OSBPL11: variants seen among roughly 807,000 people sequenced by gnomAD.
OSBPL11 encodes the protein oxysterol binding protein like 11, also known as oxysterol-binding protein-related protein 11.
In OSBPL11, 33 loss-of-function variants were observed where a neutral mutation model predicts 84.4. The ratio of observed to expected loss-of-function variants is 0.39; its 90% CI spans 0.30 to 0.52. The LOEUF (loss-of-function observed/expected upper bound fraction) is 0.52. OSBPL11 is among the 20% of genes least tolerant of loss of function. The pLI, the probability that OSBPL11 is intolerant of heterozygous loss-of-function variation, is 0.72. For synonymous variants in OSBPL11, 276 were observed against 310.2 expected (o/e 0.89, Z 1.16); for missense variants, 736 against 901.1 (o/e 0.82, Z 2.35).
Position 125,528,983 on chromosome 3 carries a change from A to G in OSBPL11, c.*1532T>C, listed in dbSNP as rs1935516617. 6.5e-6 allele frequency: 1 copy of G among 152,792 alleles called. No homozygotes were observed. Among genetic ancestry groups the G allele is most frequent in the South Asian group, 2.1e-4 (1 of 4,834 alleles). The allele number at this position is 152,792 out of a possible 1,614,324, so 9.5% of individuals were successfully genotyped here. A position where few individuals can be genotyped will look rare whatever the true frequency, so the allele number is the denominator to read the frequency against. ...AAGGGAATCATTAAAATTGTTGTAC[A>G]CAAACCAACTCTTTTTCTTATAATT... is the stretch of plus-strand genomic sequence containing the variant. On this transcript the variant is annotated 3_prime_UTR_variant, in exon 13 of 13. Transcript: ENST00000296220.
At chr3:125,564,907 C>T (rs890055020) in intron 6 of OSBPL11, among the ~76,000 whole-genome samples, 14 of 152,118 alleles carry the variant, frequency 9.2e-5, no homozygotes, top group African/African-American at 2.2e-4. Context: ...TGCCTGACTC[C>T]GCATCCCAAA....
At position 125,530,252 on chromosome 3, in the gene OSBPL11, A is replaced by G. The variant is rs1477280031; in HGVS notation, c.*263T>C. On this transcript the variant is annotated 3_prime_UTR_variant, in exon 13 of 13. Transcript: ENST00000296220. Reference sequence around the variant, plus strand: ...TAACTTTAGGAGCAAGAACTGGATAAAAGATTCATCTACTGATTCAGGTAA... The same window carrying G: ...TAACTTTAGGAGCAAGAACTGGATAGAAGATTCATCTACTGATTCAGGTAA... 3 of 416,504 alleles carry G rather than the reference A, an allele frequency of 7.2e-6. No homozygotes were observed. In the East Asian group the frequency reaches 1.1e-4, roughly 16 times the overall value. 25.8% of individuals were successfully genotyped at this position (416,504 alleles called of 1,614,324 possible).
intron 5 of OSBPL11, among the ~76,000 whole-genome samples, chr3:125,571,377 C>G (rs1936239283): frequency 6.6e-6 from 1 of 152,208 alleles, no homozygotes; most frequent in Non-Finnish European, 1.5e-5. Context: ...ACCCCATTTT[C>G]TGAGGAGAAA....
At chr3:125,559,188 C>A (rs1055017462) in intron 8 of OSBPL11, among the ~76,000 whole-genome samples, 4 of 152,182 alleles carry the variant, frequency 2.6e-5, no homozygotes, top group African/African-American at 9.7e-5. Context: ...CTGCAGACTC[C>A]TGTTATAGAT....
chr3:125,562,090 C>T (rs1936086756), intron 7 of OSBPL11, among the ~76,000 whole-genome samples: 1 of 152,158 alleles, frequency 6.6e-6, no homozygotes, highest in Admixed American at 6.6e-5. Context: ...CCTTTCAAAG[C>T]CCAATTCCAA....
intron 5 of OSBPL11, among the ~76,000 whole-genome samples, chr3:125,573,172 G>A (rs1026319838): frequency 2.0e-5 from 3 of 151,822 alleles, no homozygotes; most frequent in Non-Finnish European, 4.4e-5. Flanking sequence ...AACTGTTTTA[G>A]TGATGGTTCC....
At chr3:125,545,916 G>A (rs1326108495) in intron 10 of OSBPL11, among the ~76,000 whole-genome samples, 2 of 152,094 alleles carry the variant, frequency 1.3e-5, no homozygotes, top group African/African-American at 4.8e-5. Context: ...TATGTCTGAG[G>A]AAGGAGGCAT....
intron 9 of OSBPL11, among the ~76,000 whole-genome samples, chr3:125,548,937 T>C (rs1935859614): frequency 6.6e-6 from 1 of 152,156 alleles, no homozygotes; most frequent in Non-Finnish European, 1.5e-5. Flanking sequence ...TTAAGGTTTA[T>C]TGAGCCATTT....
rs998113066 is a variant in OSBPL11, at chr3:125,573,208, T to TA, written c.666+2980dup. ...TTGATACTATAAAACCAGTTCCTTTTAAAAAAAAAAGAAAACTTCAAGAAA... is the reference window on the plus strand; with the variant it reads ...TTGATACTATAAAACCAGTTCCTTTTAAAAAAAAAAAGAAAACTTCAAGAAA... On this transcript the variant is annotated intron_variant, in intron 5 of 12. Transcript: ENST00000296220. Among the ~76,000 whole-genome samples the TA allele has an allele frequency of 1.1e-3, 163 of 147,968 alleles. 1 individual carries two copies. The highest frequency in any genetic ancestry group is 7.5e-3 in the East Asian group (38 of 5,100).
In OSBPL11 at chr3:125,532,141, C is replaced by T. The variant is rs1042303837; in HGVS notation, c.2025-127G>A. On this transcript the variant is annotated intron_variant, in intron 11 of 12. Transcript: ENST00000296220. ...CCTAAATCACATCTACAATGTCATG[C>T]TTATGAATTCCAAGAATAACGATAC... is the stretch of plus-strand genomic sequence containing the variant. The T allele has an allele frequency of 1.1e-5, 10 of 932,330 alleles. No homozygotes were observed. The Admixed American group carries it at 3.3e-4, about 31-fold the overall frequency. 57.8% of individuals were successfully genotyped at this position (932,330 alleles called of 1,614,324 possible).
At chr3:125,544,357 A>G (rs1462241487) in intron 10 of OSBPL11, among the ~76,000 whole-genome samples, 1 of 152,228 alleles carries the variant, frequency 6.6e-6, no homozygotes, top group Admixed American at 6.5e-5. Context: ...CACCTGGCCA[A>G]GAATGGTTTT....
chr3:125,531,985 A>T lies in OSBPL11; in HGVS notation c.2054T>A (p.Leu685Gln). 6.2e-7 allele frequency: 1 copy of T among 1,610,208 alleles called. No individual in the cohort carries two copies. The highest frequency in any genetic ancestry group is 1.1e-5 in the South Asian group (1 of 89,862). Residue 685 changes from leucine (L) to glutamine (Q), a missense_variant, in exon 12 of 13, where the codon CTG (leucine) becomes CAG (glutamine). Physicochemically the swap from Leu to Gln is moderately radical, Grantham distance 113. Transcript: ENST00000296220. ...GGCCTTATCAATTTCAGATTCTCTC[A>T]GCGAGTCTGTCACATTTTTCCACAA... ...RRLWKNVTDS[L>Q]RESEIDKATE... is the part of the protein sequence containing the mutation.
rs957081545 is a variant in OSBPL11 at position 125,580,112 on chromosome 3, A to G, written c.234-72T>C. The G allele has an allele frequency of 2.8e-5, 36 of 1,271,826 alleles. No individual in the cohort carries two copies. The African/African-American group carries it at 4.8e-4, about 17-fold the overall frequency. The allele number at this position is 1,271,826 out of a possible 1,614,324, so 78.8% of individuals were successfully genotyped here. On this transcript the variant is annotated intron_variant, in intron 2 of 12. Coordinates refer to ENST00000296220, the MANE Select transcript of OSBPL11 (RefSeq NM_022776.5). Reference sequence around the variant, plus strand: ...GCAAACTAAAGCAAAGCAAACTTCAATCACTTACACATTTCAGGGTTTTGC... The same window carrying G: ...GCAAACTAAAGCAAAGCAAACTTCAGTCACTTACACATTTCAGGGTTTTGC...
rs10678056 is a variant in OSBPL11 at position 125,539,300 on chromosome 3, CATATATATATATATATATAT to C, written c.1842-687_1842-668del. On this transcript the variant is annotated intron_variant, in intron 10 of 12. Transcript: ENST00000296220. ...AAGTTTAATGAAGAGTCACCACAGC[CATATATATATATATATATAT>C]ATATATATATATATATATATATATA... is the stretch of plus-strand genomic sequence containing the variant. 8.3e-4 allele frequency among the ~76,000 whole-genome samples: 56 copies of C among 67,838 alleles called. 2 individuals carry two copies. The highest frequency in any genetic ancestry group is 5.7e-3 in the South Asian group (11 of 1,924). The allele number at this position is 67,838 out of a possible 152,430, so 44.5% of individuals were successfully genotyped here.
intron 4 of OSBPL11, among the ~76,000 whole-genome samples, chr3:125,578,515 G>GCTGGATCACTTGACCTCAA (rs1465044571): frequency 6.6e-6 from 1 of 152,132 alleles, no homozygotes; most frequent in Non-Finnish European, 1.5e-5. Context: ...AAGCCAAGGT[G>GCTGGATCACTTGACCTCAA]GGCGGATCAC....
intron 2 of OSBPL11, among the ~76,000 whole-genome samples, chr3:125,581,324 T>C (rs1037120953): frequency 6.6e-6 from 1 of 151,846 alleles, no homozygotes; most frequent in African/African-American, 2.4e-5. Context: ...ACTCCTGAAC[T>C]CAGGCGATCC....
At chr3:125,535,346 T>C (rs1469002794) in intron 11 of OSBPL11, among the ~76,000 whole-genome samples, 2 of 151,626 alleles carry the variant, frequency 1.3e-5, no homozygotes, top group South Asian at 2.1e-4. Flanking sequence ...ATTCAAAACC[T>C]TCCCCTAAAG....
intron 5 of OSBPL11, 21 bp downstream of exon 5, chr3:125,576,168 T>C (rs762809380): frequency 2.5e-6 from 4 of 1,585,634 alleles, no homozygotes; most frequent in Non-Finnish European, 3.4e-6. Context: ...GCATTTTAAC[T>C]TGACTTTAAT....
intron 5 of OSBPL11, among the ~76,000 whole-genome samples, chr3:125,568,771 A>G (rs1337894553): frequency 6.6e-6 from 1 of 152,194 alleles, no homozygotes; most frequent in Non-Finnish European, 1.5e-5. Context: ...TGGAGTAACA[A>G]TGATTGATGA....
Sources: gnomAD v4.1 joint callset for allele counts (sites outside exome capture counted in the v4.1 genomes callset) on GRCh38, gnomAD v4.1.1 for gene constraint, MANE v1.5 for transcripts, NCBI Gene and HGNC (gene_info 2026-07-23, HGNC 2026-07-21) for gene names.